TRRAP: variants seen among roughly 807,000 people sequenced by gnomAD.
TRRAP encodes transformation/transcription domain associated protein.
Under a neutral mutation model 438.8 loss-of-function variants are expected in TRRAP, and 41 were observed. That is an observed-to-expected ratio of 0.09 (90% CI 0.07 to 0.12). TRRAP has a LOEUF of 0.12. Ranked by LOEUF, TRRAP falls within the 10% of genes least tolerant of loss-of-function variation. TRRAP has a pLI of 1.00. For missense variants in TRRAP, 3,122 were observed against 5,055.1 expected (o/e 0.62, Z 11.60); for synonymous variants, 1,994 against 1,962.9 (o/e 1.02, Z -0.42).
chr7:98,990,239 C>CA (rs1415416295), intron 63 of TRRAP, among the ~76,000 whole-genome samples: 1 of 151,968 alleles, frequency 6.6e-6, no homozygotes, highest in Non-Finnish European at 1.5e-5. Context: ...AAACAAAACA[C>CA]AAAAAAACTA....
At chr7:98,955,451 G>T in intron 41 of TRRAP, 147 bp downstream of exon 41, 3 of 837,296 alleles carry the variant, frequency 3.6e-6, no homozygotes, top group Non-Finnish European at 5.4e-6. Context: ...GTGTATGTGT[G>T]TATGGCTTTA....
intron 23 of TRRAP, among the ~76,000 whole-genome samples, chr7:98,927,938 T>C (rs1790127326): frequency 6.6e-6 from 1 of 152,166 alleles, no homozygotes; most frequent in African/African-American, 2.4e-5. Context: ...GTGATGTCTT[T>C]GTAAAAGACA....
Position 98,908,864 on chromosome 7 carries a change from A to G in TRRAP, c.1252A>G (p.Met418Val), listed in dbSNP as rs1554408003. The G allele has an allele frequency of 2.5e-6, 4 of 1,613,960 alleles. No homozygotes were observed. Among genetic ancestry groups the G allele is most frequent in the East Asian group, 2.2e-5 (1 of 44,868 alleles). ...DESLPSSIQT[M>V]SCKLLLNLVD... ...GTCCCTGCCCAGCAGCATCCAGACC[A>G]TGTCCTGCAAGCTCCTGCTGAACCT... The change falls in exon 14 of 73, where the codon ATG (methionine) becomes GTG (valine). Residue 418 changes from methionine (M) to valine (V), a missense_variant. By Grantham distance (21) the Met-to-Val change is conservative. This residue lies in a region of TRRAP where 343 missense variants were observed against 564.0 expected (regional missense o/e 0.61). Transcript: ENST00000456197. The surrounding 1 kb of genome is among the most constrained non-coding windows in gnomAD (Gnocchi z 4.1).
At chr7:98,938,910 A>G (rs1281660290) in intron 30 of TRRAP, among the ~76,000 whole-genome samples, 1 of 152,252 alleles carries the variant, frequency 6.6e-6, no homozygotes, top group Non-Finnish European at 1.5e-5. Flanking sequence ...CAAAATAGAT[A>G]AGTGTGCCTT....
chr7:98,914,634 G>A (rs1370293719), intron 18 of TRRAP, among the ~76,000 whole-genome samples: 2 of 133,378 alleles, frequency 1.5e-5, no homozygotes, highest in Non-Finnish European at 3.1e-5. Flanking sequence ...AGAATTGCTT[G>A]AACCTGGGAG....
rs764935851 is a variant in TRRAP at position 98,970,098 on chromosome 7, C to T, written c.7513-14C>T. The T allele has an allele frequency of 2.5e-5, 41 of 1,612,736 alleles. No homozygotes were observed. Among genetic ancestry groups the T allele is most frequent in the Middle Eastern group, 1.6e-4 (1 of 6,074 alleles). On this transcript the variant is annotated splice_polypyrimidine_tract_variant and intron_variant, in intron 51 of 72. Transcript: ENST00000456197. ...GCATGCCTTGGGTCTGTCTCCTTTC[C>T]GCACCCCTTGCAGCTGCTTCTGGCC...
At chr7:98,973,418 G>A (rs1250524429) in intron 53 of TRRAP, among the ~76,000 whole-genome samples, 10 of 152,204 alleles carry the variant, frequency 6.6e-5, no homozygotes, top group African/African-American at 9.6e-5. Flanking sequence ...CTCCTGGTGC[G>A]AGTGCCATCA....
Position 98,956,591 on chromosome 7 carries a change from A to G in TRRAP, c.6231+58A>G, listed in dbSNP as rs1292870102. The G allele has an allele frequency of 2.7e-5, 43 of 1,570,828 alleles. No individual in the cohort carries two copies. Among genetic ancestry groups the G allele is most frequent in the Middle Eastern group, 1.8e-4 (1 of 5,442 alleles). ...CATTCTGCTGGGAGTTGGTTCGTTT[A>G]TTCCCTATATTTAGAATGTGAGCTC... On this transcript the variant is annotated intron_variant, in intron 43 of 72. Coordinates refer to ENST00000456197, the MANE Select transcript of TRRAP (RefSeq NM_001375524.1). This position sits in a 1 kb window ranked among gnomAD's most constrained non-coding sequence, Gnocchi z 4.5.
chr7:98,882,966 A>C (rs1179192489), intron 3 of TRRAP, among the ~76,000 whole-genome samples: 6 of 152,164 alleles, frequency 3.9e-5, no homozygotes, highest in Non-Finnish European at 7.4e-5. Flanking sequence ...GCCGAGATGC[A>C]CTCAGATTTA....
At chr7:98,950,032 A>G (rs1182714634) in intron 37 of TRRAP, 32 bp from the exon 38 acceptor site, 9 of 1,612,892 alleles carry the variant, frequency 5.6e-6, no homozygotes, top group African/African-American at 5.3e-5. Context: ...ATTTGCTCTA[A>G]GTTAACCTGT....
rs782336596 is a variant in TRRAP, at chr7:98,958,070, C to T, written c.6321C>T (p.Phe2107=). ...AGCACACAGACACTGTGGTGAACTT[C>T]CTTATCCGCGTGGCCTGTCAGGTAC... ...DKQHTDTVVN[F]LIRVACQVND... The change falls in exon 44 of 73, where the codon TTC becomes TTT. Residue 2107 remains phenylalanine (F), a synonymous_variant. Transcript: ENST00000456197. 1 of 1,614,046 alleles carries T rather than the reference C, an allele frequency of 6.2e-7. No homozygotes were observed. Among genetic ancestry groups the T allele is most frequent in the Non-Finnish European group, 8.5e-7 (1 of 1,180,026 alleles).
chr7:98,962,439 T>C lies in TRRAP; in HGVS notation c.6829+12T>C. 1 of 1,614,056 alleles carries C rather than the reference T, an allele frequency of 6.2e-7. No individual in the cohort carries two copies. The highest frequency in any genetic ancestry group is 1.7e-5 in the Admixed American group (1 of 60,034). On this transcript the variant is annotated intron_variant, in intron 47 of 72. Coordinates refer to ENST00000456197, the MANE Select transcript of TRRAP (RefSeq NM_001375524.1). ...CTCCCAGCTCTTCGGTGAGTGTGTG[T>C]CTGTCCTGGTGTTCGTGGTGGCTCA...
At chr7:98,992,414 G>C (rs1209636861) in intron 65 of TRRAP, among the ~76,000 whole-genome samples, 187 bp downstream of exon 65, 1 of 152,204 alleles carries the variant, frequency 6.6e-6, no homozygotes, top group East Asian at 1.9e-4. Context: ...TCTCTCTTTT[G>C]CCAGGATGTA....
At chr7:98,887,367 A>G (rs113610527) in intron 3 of TRRAP, among the ~76,000 whole-genome samples, 4 of 152,146 alleles carry the variant, frequency 2.6e-5, no homozygotes, top group African/African-American at 4.8e-5. Flanking sequence ...CTTTTCCTTG[A>G]ATCCTTGGTT....
intron 61 of TRRAP, among the ~76,000 whole-genome samples, 159 bp from the exon 62 acceptor site, chr7:98,984,785 C>T (rs543462871): frequency 3.3e-5 from 5 of 152,188 alleles, no homozygotes; most frequent in South Asian, 2.1e-4. Context: ...AAATTCTGAA[C>T]GTCAATCAAT....
rs926050830 is a variant in TRRAP, at chr7:98,976,745, A to C, written c.8222A>C (p.Gln2741Pro). 2 of 1,613,652 alleles carry C rather than the reference A, an allele frequency of 1.2e-6. No individual in the cohort carries two copies. Among genetic ancestry groups the C allele is most frequent in the African/African-American group, 2.7e-5 (2 of 74,938 alleles). ...AAGCAAACAACGGAGTTTTATGAGC[A>C]GGAGAGCATCACCCCGCCGCAGCAG... is the stretch of plus-strand genomic sequence containing the variant. ...KPKQTTEFYE[Q>P]ESITPPQQEI... Residue 2741 changes from glutamine to proline, a missense_variant, in exon 55 of 73, where the codon CAG becomes CCG. By Grantham distance (76) the Gln-to-Pro change is moderately conservative. Transcript: ENST00000456197. This position sits in a 1 kb window ranked among gnomAD's most constrained non-coding sequence, Gnocchi z 4.6.
intron 59 of TRRAP, 27 bp downstream of exon 59, chr7:98,981,987 C>T (rs776204425): frequency 6.5e-7 from 1 of 1,537,460 alleles, no homozygotes; most frequent in South Asian, 1.2e-5. Flanking sequence ...CATGCGAGCA[C>T]AGGCCTGTGG....
intron 20 of TRRAP, among the ~76,000 whole-genome samples, chr7:98,920,353 C>T (rs551118539): frequency 4.3e-4 from 66 of 152,004 alleles, no homozygotes; most frequent in Non-Finnish European, 8.8e-5. Context: ...GTAATCTTAG[C>T]TGCTCAGGAG....
chr7:98,984,982 C>G lies in TRRAP; in HGVS notation c.9327C>G (p.Phe3109Leu). 1 of 1,613,454 alleles carries G rather than the reference C, an allele frequency of 6.2e-7. No individual in the cohort carries two copies. The highest frequency in any genetic ancestry group is 8.5e-7 in the Non-Finnish European group (1 of 1,179,728). The change falls in exon 62 of 73, where the codon TTC becomes TTG. Residue 3109 changes from phenylalanine to leucine, a missense_variant. Transcript: ENST00000456197. ...TTGAATCTACAAATTTAAAATACTTCACAAAAGAGATGACAGCCGAATTTT... is the reference window on the plus strand; with the variant it reads ...TTGAATCTACAAATTTAAAATACTTGACAAAAGAGATGACAGCCGAATTTT... Reference protein sequence around the residue: ...EVIESTNLKYFTKEMTAEFYA... With the variant: ...EVIESTNLKYLTKEMTAEFYA...
Sources: allele counts gnomAD v4.1 joint callset (sites outside exome capture counted in the v4.1 genomes callset), GRCh38; gene constraint gnomAD v4.1.1; regional missense constraint gnomAD v4.1.1; non-coding constraint Gnocchi (gnomAD v3.1); transcripts MANE v1.5; gene names NCBI Gene and HGNC (gene_info 2026-07-23, HGNC 2026-07-21).